Variants in ASTN1 observed in about 807,000 individuals in gnomAD.
ASTN1 encodes astrotactin-1.
Under a neutral mutation model 140.7 loss-of-function variants are expected in ASTN1, and 41 were observed. The observed-to-expected ratio is 0.29, with a 90% confidence interval of 0.23 to 0.38. ASTN1 has a LOEUF of 0.38. ASTN1 is among the 10% of genes least tolerant of loss of function. ASTN1 has a pLI of 1.00. For synonymous variants in ASTN1, 640 were observed against 652.2 expected (o/e 0.98, Z 0.29); for missense variants, 1,479 against 1,678.8 (o/e 0.88, Z 2.08).
rs1399281170 is a variant in ASTN1, at chr1:176,864,252, C to A, written c.*32G>T. On this transcript the variant is annotated 3_prime_UTR_variant, in exon 23 of 23. Transcript: ENST00000361833. ...GATGGATCCCTCCTCTTTCCTACTTCATTCTGGCAGCAGCTCCCTGGCCTT... is the reference window on the plus strand; with the variant it reads ...GATGGATCCCTCCTCTTTCCTACTTAATTCTGGCAGCAGCTCCCTGGCCTT... The A allele has an allele frequency of 1.0e-5, 16 of 1,605,664 alleles. No individual in the cohort carries two copies. The highest frequency in any genetic ancestry group is 1.4e-5 in the Non-Finnish European group (16 of 1,175,212).
intron 7 of ASTN1, among the ~76,000 whole-genome samples, chr1:177,016,785 G>T (rs554572273): frequency 6.6e-6 from 1 of 152,196 alleles, no homozygotes; most frequent in South Asian, 2.1e-4. Context: ...TATATTTACA[G>T]ATATTTACAC....
chr1:176,912,966 T>C (rs1670313505), intron 16 of ASTN1, among the ~76,000 whole-genome samples: 1 of 152,184 alleles, frequency 6.6e-6, no homozygotes, highest in South Asian at 2.1e-4. Context: ...CTTCTAGCAT[T>C]TGTTCCAACT....
At chr1:176,874,946 C>T (rs1668501414) in intron 21 of ASTN1, among the ~76,000 whole-genome samples, 1 of 152,096 alleles carries the variant, frequency 6.6e-6, no homozygotes, top group African/African-American at 2.4e-5. Flanking sequence ...TGCTGCCTCC[C>T]AGGTGTTAGT....
intron 8 of ASTN1, chr1:176,975,980 T>C (rs915746046): frequency 5.9e-5 from 9 of 152,202 alleles, no homozygotes; most frequent in African/African-American, 1.9e-4. Flanking sequence ...AAACAGAAAT[T>C]GCAATCCAGC....
chr1:177,001,295 C>G (rs1674717703), intron 8 of ASTN1, among the ~76,000 whole-genome samples: 1 of 152,124 alleles, frequency 6.6e-6, no homozygotes, highest in Admixed American at 6.5e-5. Context: ...ACTCTAAACT[C>G]AAATGCCAAA....
chr1:176,905,421 A>C (rs1669943324), intron 16 of ASTN1, among the ~76,000 whole-genome samples: 2 of 152,226 alleles, frequency 1.3e-5, no homozygotes, highest in South Asian at 2.1e-4. Context: ...TTCAATAATA[A>C]TACTACTCCA....
chr1:176,982,635 C>G (rs934405493), intron 8 of ASTN1, among the ~76,000 whole-genome samples: 5 of 152,158 alleles, frequency 3.3e-5, no homozygotes, highest in Admixed American at 6.5e-5. Context: ...AACAGCCATA[C>G]TATCACTGGG....
intron 1 of ASTN1, among the ~76,000 whole-genome samples, chr1:177,074,134 C>A (rs186291978): frequency 2.0e-5 from 3 of 152,058 alleles, no homozygotes; most frequent in African/African-American, 4.8e-5. Context: ...AATGATATGA[C>A]AAAGATCCTT....
chr1:177,136,125 T>C (rs2102213165), intron 1 of ASTN1, among the ~76,000 whole-genome samples: 1 of 152,258 alleles, frequency 6.6e-6, no homozygotes. Context: ...AATAATTTGC[T>C]CTTTGTTTTC....
At position 176,946,007 on chromosome 1, in the gene ASTN1, G is replaced by T; in HGVS notation, c.2168C>A (p.Thr723Asn). 1.9e-6 allele frequency: 3 copies of T among 1,614,138 alleles called. No individual in the cohort carries two copies. The highest frequency in any genetic ancestry group is 2.2e-5 in the South Asian group (2 of 91,072). ...ACCAAAGAACATCTCCCCAAAGAGGGTCTGGTTCATGGGAAGCTCCCTGCT... is the reference window on the plus strand; with the variant it reads ...ACCAAAGAACATCTCCCCAAAGAGGTTCTGGTTCATGGGAAGCTCCCTGCT... The part of the protein sequence containing the change: ...GESRELPMNQ[T>N]LFGEMFFGYN... Residue 723 changes from threonine to asparagine, a missense_variant, in exon 13 of 23, where the codon ACC becomes AAC. By Grantham distance (65) the Thr-to-Asn change is moderately conservative. Around this residue, in one of 3 missense-constraint regions of ASTN1, gnomAD observed 746 missense variants for 800.9 expected, o/e 0.93. Coordinates refer to ENST00000361833, the MANE Select transcript of ASTN1 (RefSeq NM_004319.3).
intron 16 of ASTN1, 59 bp from the exon 17 acceptor site, chr1:176,894,889 ACCTCGTGGCC>A: frequency 6.3e-7 from 1 of 1,598,272 alleles, no homozygotes; most frequent in Middle Eastern, 1.7e-4. Context: ...GACTATCATG[ACCTCGTGGCC>A]CCTGAGTGCT....
intron 8 of ASTN1, among the ~76,000 whole-genome samples, chr1:176,985,454 C>T (rs993311201): frequency 6.6e-6 from 1 of 152,044 alleles, no homozygotes; most frequent in African/African-American, 2.4e-5. Context: ...GTCACTGCAC[C>T]CCTCACACTC....
chr1:176,937,337 T>C (rs370163133), intron 14 of ASTN1, among the ~76,000 whole-genome samples: 17 of 152,372 alleles, frequency 1.1e-4, no homozygotes, highest in African/African-American at 3.8e-4. Flanking sequence ...CAGCCAAATA[T>C]TGAGTGCCAT....
intron 16 of ASTN1, among the ~76,000 whole-genome samples, chr1:176,902,471 T>C (rs1050872767): frequency 1.6e-4 from 25 of 152,150 alleles, no homozygotes; most frequent in African/African-American, 5.1e-4. Flanking sequence ...TTAATAGGCA[T>C]GTTGTCAAAC....
At chr1:176,977,290 T>C (rs910111544) in intron 8 of ASTN1, among the ~76,000 whole-genome samples, 1 of 152,258 alleles carries the variant, frequency 6.6e-6, no homozygotes. Context: ...CAATCACTCA[T>C]TCATTTCTTC....
chr1:177,117,113 C>A lies in ASTN1; in HGVS notation c.283+47281G>T, dbSNP rs1193782962. On this transcript the variant is annotated intron_variant, in intron 1 of 22. Coordinates refer to ENST00000361833, the MANE Select transcript of ASTN1 (RefSeq NM_004319.3). ...GCAAAGCCATTATCTCTCTCTCCTCCGCCCCTCCCCACCCCCACCGAGTGG... is the reference window on the plus strand; with the variant it reads ...GCAAAGCCATTATCTCTCTCTCCTCAGCCCCTCCCCACCCCCACCGAGTGG... 2.6e-5 allele frequency among the ~76,000 whole-genome samples: 4 copies of A among 152,152 alleles called. No homozygotes were observed. The East Asian group carries it at 7.8e-4, about 29-fold the overall frequency.
intron 2 of ASTN1, among the ~76,000 whole-genome samples, chr1:177,055,170 C>T (rs1382477057): frequency 6.6e-6 from 1 of 152,194 alleles, no homozygotes; most frequent in Non-Finnish European, 1.5e-5. Context: ...GTAAAGCCAG[C>T]ATATGAAGTC....
rs1054909569 is a variant in ASTN1, at chr1:176,861,402, G to A, written c.*2882C>T. ...GGGACATGGGAGCTGGGAGAGTGTT[G>A]GTGGGATATAAGCACCTCCCTTAAG... On this transcript the variant is annotated 3_prime_UTR_variant, in exon 23 of 23. Coordinates refer to ENST00000361833, the MANE Select transcript of ASTN1 (RefSeq NM_004319.3). 3.0e-6 allele frequency: 3 copies of A among 985,680 alleles called. No homozygotes were observed. The African/African-American group carries it at 5.2e-5, about 17-fold the overall frequency. 61.1% of individuals were successfully genotyped at this position (985,680 alleles called of 1,614,324 possible). A position where few individuals can be genotyped will look rare whatever the true frequency, so the allele number is the denominator to read the frequency against.
chr1:176,870,304 A>G (rs1440303746), intron 21 of ASTN1, among the ~76,000 whole-genome samples: 3 of 152,246 alleles, frequency 2.0e-5, no homozygotes, highest in Admixed American at 6.5e-5. Context: ...CAGTGTGACC[A>G]TCTGTTAGCT....
Sources: gnomAD v4.1 joint callset for allele counts (sites outside exome capture counted in the v4.1 genomes callset) on GRCh38, gnomAD v4.1.1 for gene constraint, gnomAD v4.1.1 regional missense constraint, MANE v1.5 for transcripts, NCBI Gene and HGNC (gene_info 2026-07-23, HGNC 2026-07-21) for gene names.